Variants in NPFFR1 observed in about 807,000 individuals in gnomAD.
NPFFR1 encodes the protein neuropeptide FF receptor 1.
In NPFFR1, 17 loss-of-function variants were observed where a neutral mutation model predicts 12.7. The ratio of observed to expected loss-of-function variants is 1.34; its 90% CI spans 0.92 to 2.01. NPFFR1 has a LOEUF of 2.01. Ranked by LOEUF, NPFFR1 falls within the 30% of genes most tolerant of loss-of-function variation. The pLI, the probability that NPFFR1 is intolerant of heterozygous loss-of-function variation, is 0.00. For synonymous variants in NPFFR1, 296 were observed against 264.5 expected, an observed-to-expected ratio of 1.12 and a Z score of -1.16; for missense variants, 604 against 606.5, an observed-to-expected ratio of 1.00 and a Z score of 0.04.
rs958692132 is a variant in NPFFR1, at chr10:70,255,557, G to A, written c.693C>T (p.Leu231=). The part of the protein sequence containing the change: ...FSHIYLAPLA[L]IVVMYARIAR... ...CGATGCGGGCGTACATGACCACGAT[G>A]AGCGCCAGCGGCGCCAGGTAGATGT... The change falls in exon 4 of 4, where the codon CTC becomes CTT. Residue 231 remains leucine, a synonymous_variant. Coordinates refer to ENST00000277942, the MANE Select transcript of NPFFR1 (RefSeq NM_022146.5). This position sits in a 1 kb window ranked among gnomAD's most constrained non-coding sequence, Gnocchi z 4.2. 52 of 1,550,666 alleles carry A rather than the reference G, an allele frequency of 3.4e-5. No individual in the cohort carries two copies. The highest frequency in any genetic ancestry group is 4.4e-5 in the Non-Finnish European group (51 of 1,146,940).
rs140283186 is a variant in NPFFR1 at position 70,255,521 on chromosome 10, G to C, written c.729C>G (p.Leu243=). The C allele has an allele frequency of 1.0e-3, 1,577 of 1,548,672 alleles. 5 individuals are homozygous for C. The African/African-American group carries it at 0.016, about 16-fold the overall frequency. ...CGGGGGCCGGGCCCGGGGCCTGGCAGAGCTTGCGCGCGATGCGGGCGTACA... is the reference window on the plus strand; with the variant it reads ...CGGGGGCCGGGCCCGGGGCCTGGCACAGCTTGCGCGCGATGCGGGCGTACA... ...VVMYARIARK[L]CQAPGPAPGG... is the part of the protein sequence containing the mutation. The change falls in exon 4 of 4, where the codon CTC becomes CTG. Residue 243 remains leucine, a synonymous_variant. Transcript: ENST00000277942. This position sits in a 1 kb window ranked among gnomAD's most constrained non-coding sequence, Gnocchi z 4.2.
Position 70,258,069 on chromosome 10 carries a change from G to A in NPFFR1, c.423-2242C>T, listed in dbSNP as rs192772749. ...AAACTGAGGGAACTCAGAGACCGGT[G>A]CCGGCGCAGGTCCTTGGTATGCAGA... On this transcript the variant is annotated intron_variant, in intron 3 of 3. Transcript: ENST00000277942. Among the ~76,000 whole-genome samples the A allele has an allele frequency of 2.0e-3, 312 of 152,300 alleles. 2 individuals carry two copies. The highest frequency in any genetic ancestry group is 3.1e-4 in the Non-Finnish European group (21 of 68,018).
At chr10:70,273,542 G>A (rs2184331) in intron 1 of NPFFR1, among the ~76,000 whole-genome samples, 138,329 of 152,224 alleles carry the variant, frequency 0.91, 62,928 homozygotes, top group East Asian at 1. Flanking sequence ...GCAGTGTTGG[G>A]CATCAGGTTT....
At chr10:70,281,343 A>G (rs1370298290) in intron 1 of NPFFR1, among the ~76,000 whole-genome samples, 1 of 152,158 alleles carries the variant, frequency 6.6e-6, no homozygotes, top group Admixed American at 6.5e-5. Flanking sequence ...CACTTTTCTC[A>G]GAGTGTCCCC....
chr10:70,275,820 C>A (rs545236628), intron 1 of NPFFR1, among the ~76,000 whole-genome samples: 23 of 152,128 alleles, frequency 1.5e-4, no homozygotes, highest in Non-Finnish European at 2.9e-4. Flanking sequence ...TTTTGTACAA[C>A]ATCAAGCTAT....
chr10:70,253,375 C>T lies in NPFFR1; in HGVS notation c.*1582G>A, dbSNP rs1840530278. The T allele has an allele frequency of 6.6e-6, 1 of 152,134 alleles. No homozygotes were observed. Among genetic ancestry groups the T allele is most frequent in the South Asian group, 2.1e-4 (1 of 4,826 alleles). The allele number at this position is 152,134 out of a possible 1,614,324, so 9.4% of individuals were successfully genotyped here. ...CATCCCCACCTTCCTTGAAAGGCAG[C>T]ATGTGGGGTGGGAAGAACAATCAGA... On this transcript the variant is annotated 3_prime_UTR_variant, in exon 4 of 4. Coordinates refer to ENST00000277942, the MANE Select transcript of NPFFR1 (RefSeq NM_022146.5).
At position 70,252,694 on chromosome 10, in the gene NPFFR1, A is replaced by C. The variant is rs1215821581; in HGVS notation, c.*2263T>G. 1 of 152,204 alleles carries C rather than the reference A, an allele frequency of 6.6e-6. No homozygotes were observed. Among genetic ancestry groups the C allele is most frequent in the Non-Finnish European group, 1.5e-5 (1 of 68,038 alleles). 9.4% of individuals were successfully genotyped at this position (152,204 alleles called of 1,614,324 possible). On this transcript the variant is annotated 3_prime_UTR_variant, in exon 4 of 4. Transcript: ENST00000277942. ...GAAGAAACAAAAATAACAGCAAAAT[A>C]TGTTAATTGTAACCTTCAGCGAGAG...
At chr10:70,259,769 T>C (rs1840614434) in intron 3 of NPFFR1, among the ~76,000 whole-genome samples, 1 of 152,268 alleles carries the variant, frequency 6.6e-6, no homozygotes, top group Non-Finnish European at 1.5e-5. Context: ...ATTTGGACTC[T>C]ATGCCAAGAA....
In NPFFR1 at chr10:70,255,493, C is replaced by T. The variant is rs1307209013; in HGVS notation, c.757G>A (p.Gly253Ser). The T allele has an allele frequency of 1.9e-6, 3 of 1,547,556 alleles. No individual in the cohort carries two copies. In the African/African-American group the frequency reaches 4.1e-5, roughly 21 times the overall value. ...LCQAPGPAPG[G>S]EEAADPRASR... Reference sequence around the variant, plus strand: ...GCTCGCGGGTCCGCAGCCTCCTCGCCCCCGGGGGCCGGGCCCGGGGCCTGG... The same window carrying T: ...GCTCGCGGGTCCGCAGCCTCCTCGCTCCCGGGGGCCGGGCCCGGGGCCTGG... The change falls in exon 4 of 4, where the codon GGC (glycine) becomes AGC (serine). Residue 253 changes from glycine to serine, a missense_variant. Gly to Ser is a moderately conservative substitution (Grantham distance 56, BLOSUM62 0). Transcript: ENST00000277942. This position sits in a 1 kb window ranked among gnomAD's most constrained non-coding sequence, Gnocchi z 4.2.
intron 1 of NPFFR1, among the ~76,000 whole-genome samples, chr10:70,272,653 T>G (rs1840762677): frequency 6.6e-6 from 1 of 152,214 alleles, no homozygotes; most frequent in Non-Finnish European, 1.5e-5. Context: ...GTCAAACAGA[T>G]CGGCAATGAC....
rs1840561896 is a variant in NPFFR1, at chr10:70,255,676, C to T, written c.574G>A (p.Asp192Asn). 1.2e-6 allele frequency: 2 copies of T among 1,603,274 alleles called. No individual in the cohort carries two copies. The highest frequency in any genetic ancestry group is 1.7e-6 in the Non-Finnish European group (2 of 1,175,400). Residue 192 changes from aspartate (D) to asparagine (N), a missense_variant, in exon 4 of 4, where the codon GAC (aspartate) becomes AAC (asparagine). Physicochemically the swap from Asp to Asn is conservative, Grantham distance 23 (BLOSUM62 1). Coordinates refer to ENST00000277942, the MANE Select transcript of NPFFR1 (RefSeq NM_022146.5). The surrounding 1 kb of genome is among the most constrained non-coding windows in gnomAD (Gnocchi z 4.2). ...AGCGGGTAGGAGCGGTTGCGGGCGTCCACCATGAAGTGGTGCTCCTCACGG... is the reference window on the plus strand; with the variant it reads ...AGCGGGTAGGAGCGGTTGCGGGCGTTCACCATGAAGTGGTGCTCCTCACGG... ...VTREEHHFMV[D>N]ARNRSYPLYS...
At chr10:70,283,559 C>G (rs1269191436) in intron 1 of NPFFR1, 111 bp downstream of exon 1, 1 of 1,075,516 alleles carries the variant, frequency 9.3e-7, no homozygotes, top group Non-Finnish European at 1.4e-6. Context: ...CAACGTCTGG[C>G]TCTGGACAGC....
chr10:70,271,209 T>C (rs1840740433), intron 1 of NPFFR1, among the ~76,000 whole-genome samples: 1 of 152,172 alleles, frequency 6.6e-6, no homozygotes, highest in South Asian at 2.1e-4. Context: ...CTCAGCATTC[T>C]CATATTTAAA....
Position 70,255,034 on chromosome 10 carries a change from C to A in NPFFR1, c.1216G>T (p.Val406Leu), listed in dbSNP as rs1018541634. 10 of 1,440,856 alleles carry A rather than the reference C, an allele frequency of 6.9e-6. No individual in the cohort carries two copies. In the East Asian group the frequency reaches 2.4e-4, roughly 34 times the overall value. 89.3% of individuals were successfully genotyped at this position (1,440,856 alleles called of 1,614,324 possible). Residue 406 changes from valine to leucine, a missense_variant, in exon 4 of 4, where the codon GTG becomes TTG. Val to Leu is a conservative substitution (Grantham distance 32, BLOSUM62 1). Transcript: ENST00000277942. The surrounding 1 kb of genome is among the most constrained non-coding windows in gnomAD (Gnocchi z 4.2). Reference protein sequence around the residue: ...PGRLPLRNGRVAHHGLPREGP... With the variant: ...PGRLPLRNGRLAHHGLPREGP... ...TCCCTGGGCAAGCCGTGGTGAGCCA[C>A]CCGCCCATTCCGCAGCGGGAGGCGG...
intron 3 of NPFFR1, among the ~76,000 whole-genome samples, chr10:70,257,408 T>G (rs573830951): frequency 1.3e-5 from 2 of 152,374 alleles, no homozygotes; most frequent in East Asian, 3.9e-4. Flanking sequence ...TTAAGGGATC[T>G]AGGGCTGTGC....
chr10:70,265,918 T>C (rs1840684346), intron 2 of NPFFR1, among the ~76,000 whole-genome samples, 159 bp downstream of exon 2: 3 of 152,204 alleles, frequency 2.0e-5, no homozygotes, highest in Admixed American at 6.5e-5. Flanking sequence ...CTAGTCTAAC[T>C]CTTCAGCCCC....
chr10:70,274,222 G>C (rs924209127), intron 1 of NPFFR1, among the ~76,000 whole-genome samples: 1 of 151,436 alleles, frequency 6.6e-6, no homozygotes, highest in African/African-American at 2.4e-5. Context: ...GATGGAAGGA[G>C]GCAGATCACA....
chr10:70,251,062 T>A lies in NPFFR1; in HGVS notation c.*3895A>T, dbSNP rs1185255524. The stretch of plus-strand genomic sequence containing the variant: ...AGAGAAAAACAACAATAAAATGCCA[T>A]GATCATAAATAATTGGGTTATTCAA... On this transcript the variant is annotated 3_prime_UTR_variant, in exon 4 of 4. Transcript: ENST00000277942. 6.6e-6 allele frequency: 1 copy of A among 152,210 alleles called. No homozygotes were observed. The highest frequency in any genetic ancestry group is 1.5e-5 in the Non-Finnish European group (1 of 68,030). The allele number at this position is 152,210 out of a possible 1,614,324, so 9.4% of individuals were successfully genotyped here.
At position 70,283,694 on chromosome 10, in the gene NPFFR1, G is replaced by GCTCCGGCGGT; in HGVS notation, c.-28_-19dup. ...CCCTCCATGATGCCCCCAGTTGCGG[G>GCTCCGGCGGT]CTCCGGCGGTCTCCGATGGCGGGAG... On this transcript the variant is annotated 5_prime_UTR_variant, in exon 1 of 4. Transcript: ENST00000277942. 3 of 1,535,184 alleles carry GCTCCGGCGGT rather than the reference G, an allele frequency of 2.0e-6. No individual in the cohort carries two copies. Among genetic ancestry groups the GCTCCGGCGGT allele is most frequent in the Non-Finnish European group, 1.7e-6 (2 of 1,146,452 alleles).
Sources: allele counts gnomAD v4.1 joint callset (sites outside exome capture counted in the v4.1 genomes callset), GRCh38; gene constraint gnomAD v4.1.1; non-coding constraint Gnocchi (gnomAD v3.1); transcripts MANE v1.5; gene names NCBI Gene and HGNC (gene_info 2026-07-23, HGNC 2026-07-21).